The following TASP1 variants were observed in gnomAD, a reference collection of about 807,000 sequenced individuals.
The protein encoded by TASP1 is threonine aspartase 1.
In TASP1, 16 loss-of-function variants were observed where a neutral mutation model predicts 56.6. The ratio of observed to expected loss-of-function variants is 0.28; its 90% CI spans 0.19 to 0.43. The LOEUF is 0.43. Among genes scored for constraint, TASP1 ranks in the 20% least tolerant of loss-of-function variants. The pLI is 1.00. For missense variants in TASP1, 393 were observed against 511.6 expected (o/e 0.77, Z 2.24); for synonymous variants, 179 against 184.2 (o/e 0.97, Z 0.23).
the TASP1 span, among the ~76,000 whole-genome samples, chr20:13,360,073 A>G: frequency 6.6e-6 from 1 of 152,074 alleles, no homozygotes; most frequent in East Asian, 1.9e-4. Context: ...AAGCCTTACA[A>G]CTTAGTTCAG....
chr20:13,436,229 C>A (rs2042996133), intron 11 of TASP1, among the ~76,000 whole-genome samples: 1 of 151,902 alleles, frequency 6.6e-6, no homozygotes, highest in Non-Finnish European at 1.5e-5. Context: ...GGCAGGGGTA[C>A]AGGGTAGAGA....
chr20:13,194,156 CA>C, the TASP1 span, among the ~76,000 whole-genome samples: 67 of 151,840 alleles, frequency 4.4e-4, 1 homozygote, highest in African/African-American at 1.4e-3. Flanking sequence ...CAAAAAACAG[CA>C]AAAAATGTTT....
intron 11 of TASP1, among the ~76,000 whole-genome samples, chr20:13,454,183 T>G (rs2043739082): frequency 6.6e-6 from 1 of 152,116 alleles, no homozygotes; most frequent in East Asian, 1.9e-4. Flanking sequence ...CATCCTCTTT[T>G]CAGTGGAGGG....
intron 7 of TASP1, among the ~76,000 whole-genome samples, chr20:13,566,430 C>A (rs1601275650): frequency 6.6e-6 from 1 of 151,300 alleles, no homozygotes; most frequent in Non-Finnish European, 1.5e-5. Flanking sequence ...ACAACCCAGA[C>A]ATAAATGGGT....
At chr20:13,528,239 A>AG (rs1167963242) in intron 10 of TASP1, among the ~76,000 whole-genome samples, 194 bp downstream of exon 10, 40 of 151,062 alleles carry the variant, frequency 2.6e-4, no homozygotes, top group African/African-American at 8.8e-4. Flanking sequence ...AAAAAAAAAA[A>AG]AAAAAGAAAA....
the TASP1 span, among the ~76,000 whole-genome samples, chr20:13,263,242 A>G: frequency 6.6e-6 from 1 of 152,178 alleles, no homozygotes; most frequent in Non-Finnish European, 1.5e-5. Context: ...GCAGCTGGTC[A>G]GCCTTGTCAT....
At chr20:13,521,275 T>A (rs1344874519) in intron 10 of TASP1, among the ~76,000 whole-genome samples, 3 of 152,128 alleles carry the variant, frequency 2.0e-5, no homozygotes. Context: ...CATTACTGGG[T>A]ATATACCCAA....
At chr20:13,561,228 T>C (rs1485614563) in intron 7 of TASP1, among the ~76,000 whole-genome samples, 2 of 152,148 alleles carry the variant, frequency 1.3e-5, no homozygotes, top group Non-Finnish European at 2.9e-5. Context: ...CCGGTTAAAA[T>C]GAAAGAACCT....
intron 10 of TASP1, among the ~76,000 whole-genome samples, chr20:13,495,777 T>G (rs1376425660): frequency 6.6e-6 from 1 of 152,178 alleles, no homozygotes; most frequent in Non-Finnish European, 1.5e-5. Context: ...TTTATTTATT[T>G]AATTTATTTT....
the TASP1 span, among the ~76,000 whole-genome samples, chr20:13,330,867 A>T: frequency 1.3e-5 from 2 of 152,120 alleles, no homozygotes; most frequent in African/African-American, 4.8e-5. Flanking sequence ...TATTCCTGAC[A>T]TTAGTAATGT....
At chr20:13,481,381 A>C (rs1299270865) in intron 11 of TASP1, among the ~76,000 whole-genome samples, 3 of 152,152 alleles carry the variant, frequency 2.0e-5, no homozygotes, top group Admixed American at 2.0e-4. Context: ...CACAACAAAC[A>C]TGGGAGTGCA....
the TASP1 span, among the ~76,000 whole-genome samples, chr20:13,312,613 T>A: frequency 6.6e-6 from 1 of 152,148 alleles, no homozygotes; most frequent in South Asian, 2.1e-4. Context: ...CACCTTCCAC[T>A]CTCTCCTGCT....
the TASP1 span, among the ~76,000 whole-genome samples, chr20:13,154,914 C>T: frequency 3.9e-5 from 6 of 152,202 alleles, no homozygotes; most frequent in East Asian, 7.7e-4. Flanking sequence ...GGCACAGTGG[C>T]TCATGCCTGT....
chr20:13,230,601 G>A, the TASP1 span, among the ~76,000 whole-genome samples: 1 of 151,950 alleles, frequency 6.6e-6, no homozygotes, highest in Non-Finnish European at 1.5e-5. Flanking sequence ...AAGCCCCTTA[G>A]GTCCTCAATG....
rs1600192835 is a variant in TASP1, at chr20:13,623,143, T to G, written c.282+303A>C. ...AAACAACAGAATATACATCACTTTT[T>G]GGGGGTTAACTTCAAGGATTTTCCT... is the stretch of plus-strand genomic sequence containing the variant. On this transcript the variant is annotated intron_variant, in intron 4 of 13. Coordinates refer to ENST00000337743, the MANE Select transcript of TASP1 (RefSeq NM_017714.3). Among the ~76,000 whole-genome samples the G allele has an allele frequency of 3.3e-5, 5 of 152,274 alleles. No homozygotes were observed. In the South Asian group the frequency reaches 6.2e-4, roughly 19 times the overall value.
intron 5 of TASP1, among the ~76,000 whole-genome samples, chr20:13,581,772 C>A (rs2047134537): frequency 6.6e-6 from 1 of 152,088 alleles, no homozygotes; most frequent in African/African-American, 2.4e-5. Context: ...TGCTCCAGGC[C>A]CAGTGCCAAA....
the TASP1 span, among the ~76,000 whole-genome samples, chr20:13,345,642 G>A: frequency 3.3e-3 from 502 of 152,294 alleles, 1 homozygote; most frequent in East Asian, 0.01. Flanking sequence ...TGCAAGGCTG[G>A]TACCCTGTAG....
chr20:13,396,256 C>T (rs1297142561), intron 13 of TASP1, among the ~76,000 whole-genome samples: 1 of 152,174 alleles, frequency 6.6e-6, no homozygotes, highest in East Asian at 1.9e-4. Flanking sequence ...TTGTGAATAA[C>T]TATATTCTAA....
At chr20:13,256,357 T>A in the TASP1 span, among the ~76,000 whole-genome samples, 1 of 132,860 alleles carries the variant, frequency 7.5e-6, no homozygotes, top group Non-Finnish European at 1.5e-5. Flanking sequence ...GATTGCACTA[T>A]CATACTCCAG....
Sources: gnomAD v4.1 joint callset for allele counts (sites outside exome capture counted in the v4.1 genomes callset) on GRCh38, gnomAD v4.1.1 for gene constraint, MANE v1.5 for transcripts, NCBI Gene and HGNC (gene_info 2026-07-23, HGNC 2026-07-21) for gene names.